Variants in CCM2L observed in about 807,000 individuals in gnomAD.
CCM2L encodes cerebral cavernous malformations 2 protein-like.
Under a neutral mutation model 54.1 loss-of-function variants are expected in CCM2L, and 36 were observed. That is an observed-to-expected ratio of 0.67 (90% CI 0.51 to 0.88). The LOEUF is 0.88. Ranked by LOEUF, CCM2L falls within the 40% of genes least tolerant of loss-of-function variation. The pLI is 0.00. For synonymous variants in CCM2L, 351 were observed against 359.3 expected (o/e 0.98, Z 0.26); for missense variants, 700 against 812.1 (o/e 0.86, Z 1.68).
rs199942214 is a variant in CCM2L at position 32,029,137 on chromosome 20, C to A, written c.1263+13C>A. On this transcript the variant is annotated intron_variant, in intron 8 of 9. Coordinates refer to ENST00000452892, the MANE Select transcript of CCM2L (RefSeq NM_001365692.1). Reference sequence around the variant, plus strand: ...TTACATGGTCACGGTGAGCTGGGGCCGGTGGTGGGAATGGCACAAGCAAAA... The same window carrying A: ...TTACATGGTCACGGTGAGCTGGGGCAGGTGGTGGGAATGGCACAAGCAAAA... The A allele has an allele frequency of 3.7e-6, 6 of 1,614,088 alleles. No homozygotes were observed. Among genetic ancestry groups the A allele is most frequent in the East Asian group, 2.2e-5 (1 of 44,874 alleles).
chr20:32,017,763 A>G (rs1316874775), intron 2 of CCM2L, 37 bp from the exon 3 acceptor site: 3 of 1,567,502 alleles, frequency 1.9e-6, no homozygotes, highest in African/African-American at 2.7e-5. Flanking sequence ...TCAGGGTGAC[A>G]TCTCTGTGTC....
chr20:32,021,623 G>C (rs558273385), intron 5 of CCM2L, among the ~76,000 whole-genome samples: 1 of 151,934 alleles, frequency 6.6e-6, no homozygotes, highest in Non-Finnish European at 1.5e-5. Context: ...GCCACTGGGC[G>C]ACCGGAGTGT....
chr20:32,011,116 C>T (rs1044330352), intron 1 of CCM2L, among the ~76,000 whole-genome samples: 8 of 151,974 alleles, frequency 5.3e-5, no homozygotes, highest in Non-Finnish European at 1.0e-4. Context: ...CCACCCTCCC[C>T]TCTACCCCAC....
intron 5 of CCM2L, among the ~76,000 whole-genome samples, chr20:32,022,278 C>T (rs746053466): frequency 2.6e-5 from 4 of 152,134 alleles, no homozygotes; most frequent in Admixed American, 1.3e-4. Flanking sequence ...TTTAATCATC[C>T]CTTCTCCTAC....
chr20:32,019,279 AGCGGAG>A lies in CCM2L; in HGVS notation c.806_811del (p.Arg269_Arg270del). The A allele has an allele frequency of 4.8e-6, 6 of 1,250,652 alleles. No homozygotes were observed. Among genetic ancestry groups the A allele is most frequent in the Non-Finnish European group, 6.0e-6 (6 of 995,804 alleles). 77.5% of individuals were successfully genotyped at this position (1,250,652 alleles called of 1,614,324 possible). On this transcript the variant is annotated inframe_deletion, in exon 5 of 10. Transcript: ENST00000452892. Reference sequence around the variant, plus strand: ...GCGGGAAAGCCGGGCGGTAGCTGGGAGCGGAGGCAGGCGGGCAGCGGCGGGGGAGGC... The same window carrying A: ...GCGGGAAAGCCGGGCGGTAGCTGGGAGCAGGCGGGCAGCGGCGGGGGAGGC...
In CCM2L at chr20:32,019,291, C is replaced by A; in HGVS notation, c.815C>A (p.Ala272Glu). The A allele has an allele frequency of 1.6e-6, 2 of 1,274,780 alleles. No individual in the cohort carries two copies. The highest frequency in any genetic ancestry group is 3.1e-5 in the East Asian group (1 of 32,232). 79.0% of individuals were successfully genotyped at this position (1,274,780 alleles called of 1,614,324 possible). A position where few individuals can be genotyped will look rare whatever the true frequency, so the allele number is the denominator to read the frequency against. ...GGCGGTAGCTGGGAGCGGAGGCAGG[C>A]GGGCAGCGGCGGGGGAGGCAGCTGG... ...KPGGSWERRQAGSGGGGSWER... is the reference protein window; with the variant it reads ...KPGGSWERRQEGSGGGGSWER... Residue 272 changes from alanine (A) to glutamate (E), a missense_variant, in exon 5 of 10, where the codon GCG becomes GAG. Coordinates refer to ENST00000452892, the MANE Select transcript of CCM2L (RefSeq NM_001365692.1).
intron 1 of CCM2L, 53 bp downstream of exon 1, chr20:32,010,537 G>GGGGGGGGGGGA: frequency 1.6e-6 from 1 of 608,266 alleles, no homozygotes; most frequent in Non-Finnish European, 2.6e-6. Flanking sequence ...CAAAGCTGGG[G>GGGGGGGGGGGA]AAGGGGGCAA....
chr20:32,022,652 TGG>T lies in CCM2L; in HGVS notation c.934-6_934-5del. 1 of 1,613,734 alleles carries T rather than the reference TGG, an allele frequency of 6.2e-7. No individual in the cohort carries two copies. Among genetic ancestry groups the T allele is most frequent in the Non-Finnish European group, 8.5e-7 (1 of 1,179,782 alleles). On this transcript the variant is annotated splice_region_variant and splice_polypyrimidine_tract_variant and intron_variant, in intron 5 of 9. Transcript: ENST00000452892. ...GACCTGAGCTCTCTCTCCTCCTCCCTGGGCCAGGACGCTGCAGAGGAGTCCTG... is the reference window on the plus strand; with the variant it reads ...GACCTGAGCTCTCTCTCCTCCTCCCTGCCAGGACGCTGCAGAGGAGTCCTG...
Position 32,031,293 on chromosome 20 carries a change from C to T in CCM2L, c.1695C>T (p.Ala565=), listed in dbSNP as rs1007874905. The T allele has an allele frequency of 3.0e-5, 39 of 1,286,624 alleles. No individual in the cohort carries two copies. The highest frequency in any genetic ancestry group is 4.0e-5 in the Non-Finnish European group (39 of 986,392). The allele number at this position is 1,286,624 out of a possible 1,614,324, so 79.7% of individuals were successfully genotyped here. A position where few individuals can be genotyped will look rare whatever the true frequency, so the allele number is the denominator to read the frequency against. The change falls in exon 10 of 10, where the codon GCC becomes GCT. Residue 565 remains alanine, a synonymous_variant. Transcript: ENST00000452892. ...EPRGSRGGSD[A]AEDNYL ...GGGGCTCCAGGGGCGGGAGCGACGC[C>T]GCAGAAGACAACTACCTGTAGCCAC...
At chr20:32,015,912 A>G (rs2064737867) in intron 2 of CCM2L, among the ~76,000 whole-genome samples, 1 of 141,496 alleles carries the variant, frequency 7.1e-6, no homozygotes, top group Non-Finnish European at 1.5e-5. Context: ...GCTGGAGTGC[A>G]GTGGCACGAT....
rs771144429 is a variant in CCM2L, at chr20:32,031,282, G to A, written c.1684G>A (p.Gly562Arg). The A allele has an allele frequency of 1.9e-4, 250 of 1,290,702 alleles. No individual in the cohort carries two copies. The highest frequency in any genetic ancestry group is 2.2e-4 in the Non-Finnish European group (221 of 987,278). The allele number at this position is 1,290,702 out of a possible 1,614,324, so 80.0% of individuals were successfully genotyped here. A position where few individuals can be genotyped will look rare whatever the true frequency, so the allele number is the denominator to read the frequency against. Residue 562 changes from glycine to arginine, a missense_variant, in exon 10 of 10, where the codon GGG becomes AGG. By Grantham distance (125) the Gly-to-Arg change is moderately radical. Coordinates refer to ENST00000452892, the MANE Select transcript of CCM2L (RefSeq NM_001365692.1). The stretch of plus-strand genomic sequence containing the variant: ...GGATGAGCCCCGGGGCTCCAGGGGC[G>A]GGAGCGACGCCGCAGAAGACAACTA... ...DEDEPRGSRG[G>R]SDAAEDNYL
intron 6 of CCM2L, 95 bp from the exon 7 acceptor site, chr20:32,025,761 A>T: frequency 1.2e-6 from 1 of 862,966 alleles, no homozygotes; most frequent in Non-Finnish European, 1.7e-6. Flanking sequence ...GCAGGACTAG[A>T]CTTCAGGCTG....
chr20:32,016,957 G>A (rs578061853), intron 2 of CCM2L, among the ~76,000 whole-genome samples: 2 of 152,144 alleles, frequency 1.3e-5, no homozygotes, highest in East Asian at 3.9e-4. Flanking sequence ...AGGGCAGCCT[G>A]GCCAACATGG....
intron 6 of CCM2L, among the ~76,000 whole-genome samples, chr20:32,024,869 A>G (rs2064839269): frequency 6.6e-6 from 1 of 152,232 alleles, no homozygotes; most frequent in African/African-American, 2.4e-5. Flanking sequence ...GAGAATGTAT[A>G]ATGAGGAACT....
At chr20:32,026,867 C>T (rs1014180226) in intron 7 of CCM2L, among the ~76,000 whole-genome samples, 1 of 148,316 alleles carries the variant, frequency 6.7e-6, no homozygotes, top group Non-Finnish European at 1.5e-5. Flanking sequence ...CAGAGCGAGA[C>T]TCTATCTCAA....
chr20:32,018,940 T>G lies in CCM2L; in HGVS notation c.467-3T>G. On this transcript the variant is annotated splice_polypyrimidine_tract_variant and splice_region_variant and intron_variant, in intron 4 of 9. Coordinates refer to ENST00000452892, the MANE Select transcript of CCM2L (RefSeq NM_001365692.1). ...CGGCTGACGGTCCCCCGGACTCTCC[T>G]AGGTCTGGGTGTGGACCCGGTGCCG... 1 of 1,382,636 alleles carries G rather than the reference T, an allele frequency of 7.2e-7. No homozygotes were observed. The allele number at this position is 1,382,636 out of a possible 1,614,324, so 85.6% of individuals were successfully genotyped here.
At chr20:32,030,486 G>C (rs114998616) in intron 9 of CCM2L, among the ~76,000 whole-genome samples, 1 of 152,096 alleles carries the variant, frequency 6.6e-6, no homozygotes, top group Admixed American at 6.5e-5. Flanking sequence ...TGTTTTACAG[G>C]TGAGGAAAAT....
At chr20:32,029,163 G>A (rs2064894857) in intron 8 of CCM2L, 39 bp downstream of exon 8, 1 of 1,613,732 alleles carries the variant, frequency 6.2e-7, no homozygotes, top group Non-Finnish European at 8.5e-7. Context: ...ACAAGCAAAA[G>A]CCTGGAGGCT....
chr20:32,012,907 C>T (rs184258790), intron 1 of CCM2L, among the ~76,000 whole-genome samples: 1 of 152,288 alleles, frequency 6.6e-6, no homozygotes, highest in East Asian at 1.9e-4. Flanking sequence ...CTCACATTTG[C>T]CTTGTTACAC....
Sources: allele counts gnomAD v4.1 joint callset (sites outside exome capture counted in the v4.1 genomes callset), GRCh38; gene constraint gnomAD v4.1.1; transcripts MANE v1.5; gene names NCBI Gene and HGNC (gene_info 2026-07-23, HGNC 2026-07-21).